Variants in PHKB observed in about 807,000 individuals in gnomAD.
PHKB encodes the protein phosphorylase kinase regulatory subunit beta, also known as phosphorylase b kinase regulatory subunit beta.
A neutral mutation model predicts 152.1 loss-of-function variants in PHKB; 122 were observed. The ratio of observed to expected loss-of-function variants is 0.80; its 90% CI spans 0.69 to 0.93. The LOEUF (loss-of-function observed/expected upper bound fraction) is 0.93. Ranked by LOEUF, PHKB falls within the 40% of genes least tolerant of loss-of-function variation. The probability of loss-of-function intolerance (pLI) is 0.00; values close to 1 mark genes in which losing one functional copy is unlikely to be tolerated. For synonymous variants in PHKB, 436 were observed against 464.9 expected, an observed-to-expected ratio of 0.94 and a Z score of 0.80; for missense variants, 1,304 against 1,328.4, an observed-to-expected ratio of 0.98 and a Z score of 0.29.
intron 7 of PHKB, among the ~76,000 whole-genome samples, chr16:47,578,605 A>G (rs1476171964): frequency 6.6e-6 from 1 of 152,114 alleles, no homozygotes; most frequent in Non-Finnish European, 1.5e-5. Context: ...GGAGTGCTTC[A>G]TTACTGGTTC....
At chr16:47,660,953 C>A in intron 22 of PHKB, 134 bp downstream of exon 22, 1 of 847,364 alleles carries the variant, frequency 1.2e-6, no homozygotes, top group Non-Finnish European at 2.0e-6. Context: ...TTGTCTACTC[C>A]CAGGGCAATC....
chr16:47,530,132 C>CT (rs201960518), intron 6 of PHKB, among the ~76,000 whole-genome samples: 17,617 of 129,694 alleles, frequency 0.14, 1,540 homozygotes, highest in South Asian at 0.2. Context: ...ATATAAACTC[C>CT]TTTTTTTTTT....
rs1011532 is a variant in PHKB at position 47,664,805 on chromosome 16, T to A, written c.2337-80T>A. ...ATTAACTAGCAAACATTTAGAATGC[T>A]GACTGTTATGTTTGGAAGAACTCCT... On this transcript the variant is annotated intron_variant, in intron 24 of 30. Coordinates refer to ENST00000323584, the MANE Select transcript of PHKB (RefSeq NM_000293.3). The A allele has an allele frequency of 0.056, 46,687 of 839,984 alleles. 3,272 individuals carry two copies. The highest frequency in any genetic ancestry group is 0.29 in the African/African-American group (17,489 of 59,774). 52.0% of individuals were successfully genotyped at this position (839,984 alleles called of 1,614,324 possible). A position where few individuals can be genotyped will look rare whatever the true frequency, so the allele number is the denominator to read the frequency against.
intron 26 of PHKB, among the ~76,000 whole-genome samples, chr16:47,679,052 G>C (rs1034897772): frequency 3.9e-5 from 6 of 152,056 alleles, no homozygotes; most frequent in Admixed American, 6.5e-5. Context: ...GCTTGTTTTT[G>C]TCAGGTTTGT....
chr16:47,671,389 GTAT>G (rs1739531729), intron 26 of PHKB, among the ~76,000 whole-genome samples: 1 of 152,038 alleles, frequency 6.6e-6, no homozygotes, highest in African/African-American at 2.4e-5. Context: ...CAGTACAGTA[GTAT>G]TAACTATATA....
Position 47,580,732 on chromosome 16 carries a change from G to A in PHKB, c.774+374G>A, listed in dbSNP as rs181889754. ...GTTTTCATGTTGGTTTCAATGTAAT[G>A]TATTTCAATGTATATCTCATGTAGA... On this transcript the variant is annotated intron_variant, in intron 8 of 30. Transcript: ENST00000323584. Among the ~76,000 whole-genome samples, 634 of 151,996 alleles carry A rather than the reference G, an allele frequency of 4.2e-3. 6 individuals carry two copies. Among genetic ancestry groups the A allele is most frequent in the African/African-American group, 0.015 (603 of 41,470 alleles).
chr16:47,695,608 A>G (rs1412786306), intron 28 of PHKB, among the ~76,000 whole-genome samples: 3 of 152,194 alleles, frequency 2.0e-5, no homozygotes, highest in Non-Finnish European at 2.9e-5. Context: ...GATTGAGTTC[A>G]CTGTAAACTA....
chr16:47,554,525 C>T (rs1042771934), intron 7 of PHKB, among the ~76,000 whole-genome samples: 4 of 152,006 alleles, frequency 2.6e-5, no homozygotes, highest in Non-Finnish European at 4.4e-5. Flanking sequence ...GGGGAGTGAA[C>T]GGTTCTGTCT....
intron 13 of PHKB, among the ~76,000 whole-genome samples, chr16:47,605,567 A>C (rs893379416): frequency 1.3e-5 from 2 of 152,238 alleles, no homozygotes; most frequent in Non-Finnish European, 2.9e-5. Context: ...CTCAGTGATC[A>C]TACAATTGAG....
intron 6 of PHKB, among the ~76,000 whole-genome samples, chr16:47,543,251 T>C (rs1173042705): frequency 1.3e-5 from 2 of 152,214 alleles, no homozygotes; most frequent in Non-Finnish European, 1.5e-5. Flanking sequence ...CTGCATCTAT[T>C]GAGATAATGG....
intron 1 of PHKB, among the ~76,000 whole-genome samples, chr16:47,483,274 C>T (rs190713084): frequency 8.6e-5 from 13 of 152,030 alleles, no homozygotes; most frequent in Non-Finnish European, 1.8e-4. Flanking sequence ...TCTCAAACTC[C>T]TGACCTCAGG....
chr16:47,634,790 A>G (rs1401465997), intron 14 of PHKB, among the ~76,000 whole-genome samples: 4 of 152,194 alleles, frequency 2.6e-5, no homozygotes, highest in African/African-American at 9.7e-5. Flanking sequence ...AAGGGAGAAT[A>G]AGAAAGCAGA....
intron 2 of PHKB, among the ~76,000 whole-genome samples, chr16:47,497,861 T>C (rs1056549021): frequency 6.6e-6 from 1 of 152,238 alleles, no homozygotes; most frequent in Non-Finnish European, 1.5e-5. Flanking sequence ...AAACTTTTTA[T>C]ATCCGTTTCT....
intron 22 of PHKB, 70 bp from the exon 23 acceptor site, chr16:47,661,649 A>G (rs1344320455): frequency 2.1e-6 from 2 of 950,844 alleles, no homozygotes; most frequent in African/African-American, 3.2e-5. Context: ...TGGTTTTGTG[A>G]TTAGTTACCC....
intron 9 of PHKB, 97 bp from the exon 10 acceptor site, chr16:47,588,808 C>A: frequency 9.7e-7 from 1 of 1,030,748 alleles, no homozygotes; most frequent in Non-Finnish European, 1.5e-6. Flanking sequence ...CTTTTGACTG[C>A]ATAACCTCAC....
At chr16:47,683,276 T>C (rs1169059954) in intron 26 of PHKB, among the ~76,000 whole-genome samples, 1 of 152,200 alleles carries the variant, frequency 6.6e-6, no homozygotes, top group African/African-American at 2.4e-5. Context: ...GGAGAACCAC[T>C]ACTCTCTTCA....
chr16:47,558,827 G>C (rs2151680235), intron 7 of PHKB, among the ~76,000 whole-genome samples: 1 of 152,360 alleles, frequency 6.6e-6, no homozygotes, highest in Non-Finnish European at 1.5e-5. Flanking sequence ...TGGGATTACA[G>C]GCATGAGCCA....
At chr16:47,612,006 C>T (rs1972437457) in intron 14 of PHKB, among the ~76,000 whole-genome samples, 2 of 152,220 alleles carry the variant, frequency 1.3e-5, no homozygotes, top group South Asian at 2.1e-4. Context: ...CACTTGGCGA[C>T]GTGTTGGGGA....
intron 20 of PHKB, among the ~76,000 whole-genome samples, chr16:47,654,141 A>T (rs1380088612): frequency 6.6e-6 from 1 of 152,220 alleles, no homozygotes; most frequent in Admixed American, 6.5e-5. Flanking sequence ...AACAACAGAG[A>T]GCCACCTACA....
Sources: gnomAD v4.1 joint callset for allele counts (sites outside exome capture counted in the v4.1 genomes callset) on GRCh38, gnomAD v4.1.1 for gene constraint, MANE v1.5 for transcripts, NCBI Gene and HGNC (gene_info 2026-07-23, HGNC 2026-07-21) for gene names.